The following TRMT11 variants were observed in gnomAD, a reference collection of about 807,000 sequenced individuals.
TRMT11 encodes tRNA methyltransferase 11, also known as tRNA (guanine(10)-N(2))-methyltransferase TRMT11.
In TRMT11, 53 loss-of-function variants were observed where a neutral mutation model predicts 62.8. The observed-to-expected ratio is 0.84, with a 90% confidence interval of 0.68 to 1.06. The LOEUF (loss-of-function observed/expected upper bound fraction) is 1.06, where lower values mean the gene tolerates loss of function less well. TRMT11 is among the 50% of genes least tolerant of loss of function. The pLI, the probability that TRMT11 is intolerant of heterozygous loss-of-function variation, is 0.00. For synonymous variants in TRMT11, 188 were observed against 190.3 expected (o/e 0.99, Z 0.10); for missense variants, 556 against 553.4 (o/e 1.00, Z -0.05).
chr6:126,006,403 T>C (rs1793350926), intron 7 of TRMT11, among the ~76,000 whole-genome samples: 1 of 152,074 alleles, frequency 6.6e-6, no homozygotes, highest in Non-Finnish European at 1.5e-5. Flanking sequence ...TTTTACATCA[T>C]GGAATAAATT....
At chr6:126,242,143 GACAA>G in the TRMT11 span, among the ~76,000 whole-genome samples, 1,227 of 152,200 alleles carry the variant, frequency 8.1e-3, 19 homozygotes, top group African/African-American at 0.026. Context: ...ACCAATAACA[GACAA>G]ACAGAGAGCC....
the TRMT11 span, among the ~76,000 whole-genome samples, chr6:126,269,369 A>T: frequency 6.6e-6 from 1 of 152,110 alleles, no homozygotes; most frequent in African/African-American, 2.4e-5. Context: ...TCTATACTGT[A>T]TAAAAAAGAC....
intron 21 of TRMT11, among the ~76,000 whole-genome samples, chr6:126,126,227 G>A (rs1009537860): frequency 9.9e-5 from 15 of 152,068 alleles, no homozygotes; most frequent in Non-Finnish European, 2.1e-4. Context: ...AGCTTTCAAA[G>A]ACATGAGACA....
intron 21 of TRMT11, among the ~76,000 whole-genome samples, chr6:126,151,069 C>A (rs1025149295): frequency 1.3e-5 from 2 of 152,146 alleles, no homozygotes; most frequent in Non-Finnish European, 2.9e-5. Context: ...TTCTCATTTT[C>A]TACCTGTTAA....
chr6:126,115,734 A>G (rs1273491662), intron 20 of TRMT11, among the ~76,000 whole-genome samples: 1 of 152,008 alleles, frequency 6.6e-6, no homozygotes, highest in Non-Finnish European at 1.5e-5. Context: ...GGTTTTTTTC[A>G]CCATCTAGCT....
intron 17 of TRMT11, among the ~76,000 whole-genome samples, chr6:126,101,350 A>G (rs1348754140): frequency 6.6e-6 from 1 of 152,234 alleles, no homozygotes; most frequent in Non-Finnish European, 1.5e-5. Context: ...AAATGATTCA[A>G]TGAAGCTAAT....
chr6:126,099,711 C>A (rs567092548), intron 17 of TRMT11, among the ~76,000 whole-genome samples: 4 of 152,332 alleles, frequency 2.6e-5, no homozygotes, highest in Non-Finnish European at 4.4e-5. Context: ...CGTGCCACTG[C>A]ACTCCATCCT....
intron 1 of TRMT11, among the ~76,000 whole-genome samples, chr6:126,194,389 G>A (rs899742743): frequency 4.6e-5 from 7 of 152,030 alleles, no homozygotes; most frequent in Non-Finnish European, 8.8e-5. Flanking sequence ...TTTCACTGAT[G>A]GTACACACTA....
rs535487886 is a variant in TRMT11 at position 126,123,910 on chromosome 6, T to A, written c.*1823+8055T>A. Among the ~76,000 whole-genome samples the A allele has an allele frequency of 8.3e-4, 127 of 152,170 alleles. 2 individuals carry two copies. Among genetic ancestry groups the A allele is most frequent in the Non-Finnish European group, 1.9e-4 (13 of 67,976 alleles). On this transcript the variant is annotated intron_variant and NMD_transcript_variant, in intron 21 of 22. Coordinates refer to the TRMT11 transcript ENST00000648977. ...GTCTGTTGTACTTTTTGAGTTTTTT[T>A]AAAAACTTAAGCTTTTGATTGAATA...
At chr6:126,054,064 C>T (rs748516568) in intron 17 of TRMT11, among the ~76,000 whole-genome samples, 16 of 152,208 alleles carry the variant, frequency 1.1e-4, no homozygotes, top group Admixed American at 2.0e-4. Flanking sequence ...AGGACTCATA[C>T]GCCCTGCTGC....
At chr6:126,255,140 T>C in the TRMT11 span, among the ~76,000 whole-genome samples, 1 of 152,238 alleles carries the variant, frequency 6.6e-6, no homozygotes, top group Non-Finnish European at 1.5e-5. Flanking sequence ...TATGTCTATA[T>C]TTTTGTTCTA....
chr6:126,089,348 G>A (rs754775281), intron 17 of TRMT11, among the ~76,000 whole-genome samples: 1 of 152,028 alleles, frequency 6.6e-6, no homozygotes, highest in Non-Finnish European at 1.5e-5. Flanking sequence ...TCCTGACCTC[G>A]GGATCCGCCT....
At chr6:126,085,990 CAAACAA>C (rs1023848750) in intron 17 of TRMT11, among the ~76,000 whole-genome samples, 1 of 151,952 alleles carries the variant, frequency 6.6e-6, no homozygotes, top group Non-Finnish European at 1.5e-5. Flanking sequence ...AAAAATGACA[CAAACAA>C]AACAAAACAA....
intron 21 of TRMT11, among the ~76,000 whole-genome samples, chr6:126,147,244 C>T (rs1228670532): frequency 3.3e-5 from 5 of 152,212 alleles, no homozygotes; most frequent in East Asian, 1.9e-4. Context: ...TGGATTTTTT[C>T]GTTCTCTTTC....
chr6:126,046,904 G>T (rs1473685458), intron 16 of TRMT11, among the ~76,000 whole-genome samples: 5 of 152,116 alleles, frequency 3.3e-5, no homozygotes, highest in Admixed American at 2.0e-4. Context: ...ACCAGAAAGA[G>T]CCCCATTTAG....
chr6:126,056,236 G>T (rs1007852778), intron 17 of TRMT11, among the ~76,000 whole-genome samples: 1 of 152,166 alleles, frequency 6.6e-6, no homozygotes, highest in Non-Finnish European at 1.5e-5. Context: ...GTTTATAAGG[G>T]TTATAAAGAC....
upstream of TRMT11, among the ~76,000 whole-genome samples, chr6:126,176,953 G>A (rs894187524): frequency 1.3e-5 from 2 of 151,726 alleles, no homozygotes; most frequent in African/African-American, 4.8e-5. Context: ...TGCAGAATTT[G>A]GAAAGAAACC....
chr6:126,195,478 A>G (rs772931233), intron 1 of TRMT11, among the ~76,000 whole-genome samples: 1 of 152,254 alleles, frequency 6.6e-6, no homozygotes, highest in Non-Finnish European at 1.5e-5. Flanking sequence ...TTAAATAGAA[A>G]TAAATAAAAG....
chr6:126,102,454 A>G (rs1777412861), intron 17 of TRMT11, among the ~76,000 whole-genome samples: 1 of 151,366 alleles, frequency 6.6e-6, no homozygotes, highest in South Asian at 2.1e-4. Flanking sequence ...AAAAAACACA[A>G]AAGCAAACCA....
Sources: allele counts gnomAD v4.1 joint callset (sites outside exome capture counted in the v4.1 genomes callset), GRCh38; gene constraint gnomAD v4.1.1; transcripts MANE v1.5; gene names NCBI Gene and HGNC (gene_info 2026-07-23, HGNC 2026-07-21).